The following KLHL41 variants were observed in gnomAD, a reference collection of about 807,000 sequenced individuals.
KLHL41 encodes the protein kelch-like protein 41.
KLHL41 carries 31 observed loss-of-function variants against 49.2 expected under a neutral mutation model. The ratio of observed to expected loss-of-function variants is 0.63; its 90% CI spans 0.47 to 0.85. The LOEUF (loss-of-function observed/expected upper bound fraction) is 0.85, where lower values mean the gene tolerates loss of function less well. Among genes scored for constraint, KLHL41 ranks in the 40% least tolerant of loss-of-function variants. The pLI, the probability that KLHL41 is intolerant of heterozygous loss-of-function variation, is 0.00. For synonymous variants in KLHL41, 218 were observed against 258.5 expected (o/e 0.84, Z 1.50); for missense variants, 663 against 726.7 (o/e 0.91, Z 1.01).
intron 1 of KLHL41, among the ~76,000 whole-genome samples, chr2:169,511,223 T>G (rs1684025612): frequency 6.6e-6 from 1 of 152,200 alleles, no homozygotes; most frequent in Non-Finnish European, 1.5e-5. Context: ...TAAATTTATT[T>G]TTTCTTAGCA....
intron 3 of KLHL41, among the ~76,000 whole-genome samples, chr2:169,515,719 G>T (rs1684106900): frequency 6.6e-6 from 1 of 152,042 alleles, no homozygotes; most frequent in African/African-American, 2.4e-5. Flanking sequence ...ACTTTAGATA[G>T]GTCAGTTTGA....
chr2:169,511,543 A>G (rs1030091763), intron 1 of KLHL41, among the ~76,000 whole-genome samples: 1 of 151,988 alleles, frequency 6.6e-6, no homozygotes, highest in African/African-American at 2.4e-5. Flanking sequence ...CCTTCTTCCA[A>G]GTTTCCCTGA....
At chr2:169,515,667 A>C (rs981202051) in intron 3 of KLHL41, among the ~76,000 whole-genome samples, 1 of 152,242 alleles carries the variant, frequency 6.6e-6, no homozygotes, top group Admixed American at 6.5e-5. Flanking sequence ...ACAACTGTGC[A>C]TAAAAAATAT....
chr2:169,513,495 G>A (rs1192419158), intron 1 of KLHL41, among the ~76,000 whole-genome samples: 1 of 152,190 alleles, frequency 6.6e-6, no homozygotes, highest in African/African-American at 2.4e-5. Flanking sequence ...TGAAATTAGT[G>A]AATGCAAAGC....
intron 3 of KLHL41, among the ~76,000 whole-genome samples, chr2:169,515,369 G>T (rs1257959884): frequency 1.3e-5 from 2 of 151,960 alleles, no homozygotes; most frequent in African/African-American, 4.8e-5. Flanking sequence ...CACTAAAATG[G>T]GACATGGTTC....
At position 169,525,631 on chromosome 2, in the gene KLHL41, C is replaced by G; in HGVS notation, c.1756C>G (p.Arg586Gly). 2.5e-6 allele frequency: 4 copies of G among 1,613,346 alleles called. No homozygotes were observed. Among genetic ancestry groups the G allele is most frequent in the Non-Finnish European group, 3.4e-6 (4 of 1,179,372 alleles). ...ATGGGCTGGGATGTTGAAGGAAATA[C>G]GTTATGCTTCAGGAGCTAGTTGCCT... Reference protein sequence around the residue: ...KEWAGMLKEIRYASGASCLAT... With the variant: ...KEWAGMLKEIGYASGASCLAT... The change falls in exon 6 of 6, where the codon CGT becomes GGT. Residue 586 changes from arginine (R) to glycine (G), a missense_variant. Physicochemically the swap from Arg to Gly is moderately radical, Grantham distance 125. This residue lies in a region of KLHL41 where 528 missense variants were observed against 581.0 expected (regional missense o/e 0.91). Coordinates refer to ENST00000284669, the MANE Select transcript of KLHL41 (RefSeq NM_006063.3).
intron 4 of KLHL41, 144 bp downstream of exon 4, chr2:169,518,519 G>A (rs1215109732): frequency 3.5e-6 from 2 of 572,656 alleles, no homozygotes; most frequent in Non-Finnish European, 5.9e-6. Flanking sequence ...TTTTCATCTG[G>A]GTTTCTTTTG....
intron 4 of KLHL41, among the ~76,000 whole-genome samples, chr2:169,519,381 T>G (rs1285445184): frequency 6.6e-6 from 1 of 152,192 alleles, no homozygotes; most frequent in East Asian, 1.9e-4. Flanking sequence ...AAGGAACTTT[T>G]GTGGAACACT....
chr2:169,525,603 A>G lies in KLHL41; in HGVS notation c.1728A>G (p.Lys576=), dbSNP rs777285517. Reference sequence around the variant, plus strand: ...CCATCAGGTATGAAGATGATAAAAAAGAATGGGCTGGGATGTTGAAGGAAA... The same window carrying G: ...CCATCAGGTATGAAGATGATAAAAAGGAATGGGCTGGGATGTTGAAGGAAA... ...NDIWKYEDDK[K]EWAGMLKEIR... Residue 576 remains lysine (K), a synonymous_variant, in exon 6 of 6, where the codon AAA becomes AAG. Coordinates refer to ENST00000284669, the MANE Select transcript of KLHL41 (RefSeq NM_006063.3). 4 of 1,611,964 alleles carry G rather than the reference A, an allele frequency of 2.5e-6. No individual in the cohort carries two copies. The highest frequency in any genetic ancestry group is 2.2e-5 in the South Asian group (2 of 91,018).
At chr2:169,524,845 G>A (rs1013171163) in intron 5 of KLHL41, among the ~76,000 whole-genome samples, 3 of 152,078 alleles carry the variant, frequency 2.0e-5, no homozygotes, top group African/African-American at 7.2e-5. Flanking sequence ...CCATATAAAG[G>A]ATGATATGAG....
chr2:169,520,538 G>A (rs867289419), intron 4 of KLHL41, among the ~76,000 whole-genome samples: 3 of 151,756 alleles, frequency 2.0e-5, no homozygotes, highest in African/African-American at 4.8e-5. Context: ...TGCAACCTCC[G>A]CCTCCCAGGT....
intron 3 of KLHL41, among the ~76,000 whole-genome samples, chr2:169,515,846 A>G (rs1049474695): frequency 6.6e-6 from 1 of 152,222 alleles, no homozygotes; most frequent in African/African-American, 2.4e-5. Context: ...GACAGAGGTA[A>G]TATTCAAAAT....
At chr2:169,511,969 C>T (rs1169549526) in intron 1 of KLHL41, among the ~76,000 whole-genome samples, 2 of 152,194 alleles carry the variant, frequency 1.3e-5, no homozygotes, top group East Asian at 3.8e-4. Flanking sequence ...TTATAGCTTA[C>T]AACTGGCTCA....
chr2:169,522,040 C>G (rs985509002), intron 5 of KLHL41, among the ~76,000 whole-genome samples: 8 of 151,794 alleles, frequency 5.3e-5, no homozygotes, highest in Non-Finnish European at 8.8e-5. Flanking sequence ...ATCCCAGACC[C>G]TACTGAATGA....
chr2:169,509,793 G>A lies in KLHL41; in HGVS notation c.15G>A (p.Arg5=), dbSNP rs144048872. Residue 5 remains arginine, a synonymous_variant, in exon 1 of 6, where the codon CGG becomes CGA. Coordinates refer to ENST00000284669, the MANE Select transcript of KLHL41 (RefSeq NM_006063.3). ...TTTCTCACAGAATGGATTCCCAGCG[G>A]GAACTTGCAGAGGAACTGCGGCTTT... MDSQ[R]ELAEELRLYQ... 8.2e-4 allele frequency: 1,317 copies of A among 1,610,926 alleles called. 10 individuals carry two copies. In the African/African-American group the frequency reaches 0.015, roughly 18 times the overall value.
chr2:169,517,607 G>A (rs969078080), intron 3 of KLHL41, among the ~76,000 whole-genome samples: 12 of 152,280 alleles, frequency 7.9e-5, no homozygotes, highest in African/African-American at 2.9e-4. Context: ...TAATTCAGAT[G>A]AGTCCAGGTC....
At position 169,518,394 on chromosome 2, in the gene KLHL41, G is replaced by GTA. The variant is rs778843381; in HGVS notation, c.1562+24_1562+25dup. 1 of 1,553,204 alleles carries GTA rather than the reference G, an allele frequency of 6.4e-7. No homozygotes were observed. The highest frequency in any genetic ancestry group is 8.8e-7 in the Non-Finnish European group (1 of 1,136,112). On this transcript the variant is annotated intron_variant, in intron 4 of 5. Transcript: ENST00000284669. ...CAAATAAGTGAGTTGCCACATCTTA[G>GTA]TATATAGCATGTGAACAACTATACA...
At chr2:169,518,083 GT>G in intron 3 of KLHL41, 106 bp from the exon 4 acceptor site, 2 of 754,128 alleles carry the variant, frequency 2.7e-6, no homozygotes, top group East Asian at 5.4e-5. Context: ...ATTCTTTGGA[GT>G]TTTCTGATCC....
At chr2:169,519,333 G>A (rs1559131698) in intron 4 of KLHL41, among the ~76,000 whole-genome samples, 1 of 152,092 alleles carries the variant, frequency 6.6e-6, no homozygotes, top group East Asian at 1.9e-4. Flanking sequence ...AAACATGTAT[G>A]CCTGACTACA....
Sources: allele counts gnomAD v4.1 joint callset (sites outside exome capture counted in the v4.1 genomes callset), GRCh38; gene constraint gnomAD v4.1.1; regional missense constraint gnomAD v4.1.1; transcripts MANE v1.5; gene names NCBI Gene and HGNC (gene_info 2026-07-23, HGNC 2026-07-21).